The following CLEC9A variants were observed in gnomAD, a reference collection of about 807,000 sequenced individuals.
CLEC9A encodes C-type lectin domain family 9 member A.
In CLEC9A, 24 loss-of-function variants were observed where a neutral mutation model predicts 30.0. That is an observed-to-expected ratio of 0.80 (90% CI 0.58 to 1.13). CLEC9A has a LOEUF of 1.13. Ranked by LOEUF, CLEC9A falls within the 50% of genes most tolerant of loss-of-function variation. The probability of loss-of-function intolerance (pLI) is 0.00; values close to 1 mark genes in which losing one functional copy is unlikely to be tolerated. For synonymous variants in CLEC9A, 111 were observed against 96.8 expected, an observed-to-expected ratio of 1.15 and a Z score of -0.86; for missense variants, 251 against 280.9, an observed-to-expected ratio of 0.89 and a Z score of 0.76.
rs752531788 is a variant in CLEC9A, at chr12:10,061,135, G to T, written c.181G>T (p.Val61Leu). 10 of 1,609,808 alleles carry T rather than the reference G, an allele frequency of 6.2e-6. No homozygotes were observed. Among genetic ancestry groups the T allele is most frequent in the Non-Finnish European group, 8.5e-6 (10 of 1,178,602 alleles). The change falls in exon 6 of 9, where the codon GTG becomes TTG. Residue 61 changes from valine to leucine, a missense_variant. Physicochemically the swap from Val to Leu is conservative, Grantham distance 32. Coordinates refer to ENST00000355819, the MANE Select transcript of CLEC9A (RefSeq NM_207345.4). Reference sequence around the variant, plus strand: ...ATTGCTATCATGTGAAGTGTTGCAGGTGTCCACCATTGCGATGCAGCAGCA... The same window carrying T: ...ATTGCTATCATGTGAAGTGTTGCAGTTGTCCACCATTGCGATGCAGCAGCA... Reference protein sequence around the residue: ...SIFLGVKLLQVSTIAMQQQEK... With the variant: ...SIFLGVKLLQLSTIAMQQQEK...
intron 1 of CLEC9A, among the ~76,000 whole-genome samples, chr12:10,033,985 G>A (rs1276846816): frequency 1.3e-5 from 2 of 152,068 alleles, no homozygotes. Flanking sequence ...ACAAGGAGGA[G>A]ACAGAGGATG....
intron 2 of CLEC9A, among the ~76,000 whole-genome samples, chr12:10,048,780 A>G (rs537975938): frequency 6.6e-6 from 1 of 152,058 alleles, no homozygotes; most frequent in African/African-American, 2.4e-5. Context: ...GAGGTCTTGA[A>G]TCTCTCAAAG....
intron 1 of CLEC9A, among the ~76,000 whole-genome samples, chr12:10,035,679 G>A (rs12321310): frequency 0.013 from 1,984 of 152,214 alleles, 37 homozygotes; most frequent in African/African-American, 0.043. Context: ...CAAGATCCAC[G>A]ATCTCAGCTC....
At position 10,059,021 on chromosome 12, in the gene CLEC9A, GT is replaced by G. The variant is rs879599838; in HGVS notation, c.173-2098del. Among the ~76,000 whole-genome samples the G allele has an allele frequency of 1.4e-4, 21 of 151,530 alleles. 1 individual carries two copies. Among genetic ancestry groups the G allele is most frequent in the African/African-American group, 4.6e-4 (19 of 41,232 alleles). ...CTGACACGCATAGGTGTTTTTATTT[GT>G]TTTTTTTAATTCACTAATTAATTTT... is the stretch of plus-strand genomic sequence containing the variant. On this transcript the variant is annotated intron_variant, in intron 5 of 8. Transcript: ENST00000355819.
chr12:10,056,392 G>T (rs1865943641), intron 5 of CLEC9A, among the ~76,000 whole-genome samples: 1 of 151,986 alleles, frequency 6.6e-6, no homozygotes, highest in South Asian at 2.1e-4. Context: ...AACAACAAAA[G>T]AAAGAAGAAA....
intron 3 of CLEC9A, 145 bp from the exon 4 acceptor site, chr12:10,052,485 G>A: frequency 8.0e-7 from 1 of 1,248,998 alleles, no homozygotes. Flanking sequence ...TTTTCACCAA[G>A]TTGTGTTTTG....
intron 7 of CLEC9A, among the ~76,000 whole-genome samples, chr12:10,064,059 T>C (rs1310068021): frequency 6.6e-6 from 1 of 152,128 alleles, no homozygotes. Flanking sequence ...AGATGTTGCC[T>C]TGAATTCATT....
chr12:10,035,186 A>T (rs1202501699), intron 1 of CLEC9A, among the ~76,000 whole-genome samples: 1 of 152,088 alleles, frequency 6.6e-6, no homozygotes, highest in Non-Finnish European at 1.5e-5. Context: ...ACTACTCTCA[A>T]TGTCCAGCCA....
chr12:10,063,253 A>G, intron 7 of CLEC9A, 47 bp downstream of exon 7: 1 of 1,451,748 alleles, frequency 6.9e-7, no homozygotes, highest in Non-Finnish European at 9.1e-7. Context: ...ATATCATTTT[A>G]CTTATTAAAA....
intron 1 of CLEC9A, among the ~76,000 whole-genome samples, chr12:10,032,318 T>C (rs1865704850): frequency 6.6e-6 from 1 of 151,294 alleles, no homozygotes; most frequent in African/African-American, 2.4e-5. Flanking sequence ...ATCCCAAAGA[T>C]CCCGTAACAT....
chr12:10,042,540 T>G (rs925162944), intron 2 of CLEC9A, among the ~76,000 whole-genome samples: 4 of 152,232 alleles, frequency 2.6e-5, no homozygotes, highest in African/African-American at 4.8e-5. Flanking sequence ...ATTCCAGGAC[T>G]TGGACCTATG....
At chr12:10,047,248 A>G (rs1865854746) in intron 2 of CLEC9A, among the ~76,000 whole-genome samples, 1 of 152,224 alleles carries the variant, frequency 6.6e-6, no homozygotes, top group South Asian at 2.1e-4. Context: ...ATAATTCAGA[A>G]CACTATCCAA....
intron 7 of CLEC9A, 123 bp from the exon 8 acceptor site, chr12:10,064,607 TTC>T: frequency 9.8e-7 from 1 of 1,023,884 alleles, no homozygotes; most frequent in South Asian, 1.8e-5. Flanking sequence ...TAATACTCCC[TTC>T]TCTCCTTTTC....
chr12:10,052,968 T>G, intron 4 of CLEC9A, 190 bp downstream of exon 4: 1 of 527,108 alleles, frequency 1.9e-6, no homozygotes, highest in Non-Finnish European at 3.0e-6. Flanking sequence ...GCAATACACG[T>G]GATAAACGTG....
At chr12:10,038,093 A>G (rs1865758863) in intron 1 of CLEC9A, among the ~76,000 whole-genome samples, 1 of 152,242 alleles carries the variant, frequency 6.6e-6, no homozygotes, top group African/African-American at 2.4e-5. Flanking sequence ...GGAACCACTG[A>G]ATATTTTAAC....
At chr12:10,049,799 T>C (rs778576005) in intron 2 of CLEC9A, among the ~76,000 whole-genome samples, 8 of 152,248 alleles carry the variant, frequency 5.3e-5, no homozygotes, top group Non-Finnish European at 7.3e-5. Context: ...TAAGGCTATC[T>C]TGCTTTCTTA....
chr12:10,036,794 C>CT (rs530906541), intron 1 of CLEC9A, among the ~76,000 whole-genome samples: 379 of 152,298 alleles, frequency 2.5e-3, no homozygotes, highest in Non-Finnish European at 4.6e-3. Context: ...CTAGGTACTA[C>CT]TTTTTACAAG....
intron 7 of CLEC9A, 123 bp downstream of exon 7, chr12:10,063,329 T>C (rs1285130821): frequency 2.1e-6 from 2 of 952,504 alleles, no homozygotes; most frequent in African/African-American, 3.4e-5. Context: ...ATTGTAAAAA[T>C]AAAGGTTTAA....
At chr12:10,059,803 A>G (rs978702723) in intron 5 of CLEC9A, among the ~76,000 whole-genome samples, 3 of 152,204 alleles carry the variant, frequency 2.0e-5, no homozygotes, top group East Asian at 1.9e-4. Context: ...TTGTAAATCA[A>G]TATCTGACAA....
Sources: gnomAD v4.1 joint callset for allele counts (sites outside exome capture counted in the v4.1 genomes callset) on GRCh38, gnomAD v4.1.1 for gene constraint, MANE v1.5 for transcripts, NCBI Gene and HGNC (gene_info 2026-07-23, HGNC 2026-07-21) for gene names.